RSPRY1: variants seen among roughly 807,000 people sequenced by gnomAD.
RSPRY1 encodes the protein ring finger and SPRY domain containing 1, also known as RING finger and SPRY domain-containing protein 1.
Under a neutral mutation model 73.1 loss-of-function variants are expected in RSPRY1, and 23 were observed. The ratio of observed to expected loss-of-function variants is 0.31; its 90% CI spans 0.23 to 0.45. The LOEUF is 0.45. Among genes scored for constraint, RSPRY1 ranks in the 20% least tolerant of loss-of-function variants. RSPRY1 has a pLI of 1.00. For synonymous variants in RSPRY1, 226 were observed against 251.4 expected (o/e 0.90, Z 0.95); for missense variants, 448 against 698.7 (o/e 0.64, Z 4.05).
chr16:57,221,897 A>T (rs1162855897), intron 10 of RSPRY1, among the ~76,000 whole-genome samples: 1 of 152,220 alleles, frequency 6.6e-6, no homozygotes, highest in Non-Finnish European at 1.5e-5. Flanking sequence ...ATCTTTTGTT[A>T]TAGAAAGCTA....
chr16:57,235,917 G>A (rs1382886163), intron 14 of RSPRY1, among the ~76,000 whole-genome samples: 1 of 152,222 alleles, frequency 6.6e-6, no homozygotes, highest in Admixed American at 6.5e-5. Context: ...GAATGACTCA[G>A]CCTGGGCCCC....
intron 4 of RSPRY1, among the ~76,000 whole-genome samples, chr16:57,210,084 C>G (rs2052935156): frequency 8.0e-6 from 1 of 125,054 alleles, no homozygotes; most frequent in Admixed American, 1.0e-4. Flanking sequence ...CTTTCCTTCC[C>G]TTTCCTTCTT....
chr16:57,190,139 G>A lies in RSPRY1; in HGVS notation c.-156+3688G>A, dbSNP rs1003608594. Among the ~76,000 whole-genome samples the A allele has an allele frequency of 3.9e-5, 6 of 152,046 alleles. No homozygotes were observed. The South Asian group carries it at 1.0e-3, about 26-fold the overall frequency. On this transcript the variant is annotated intron_variant, in intron 1 of 14. Transcript: ENST00000394420. Reference sequence around the variant, plus strand: ...TCACAACACTTTGGGCGGCCAAGGCGGGAGGATCACTTGAGCCCAGGAGTT... The same window carrying A: ...TCACAACACTTTGGGCGGCCAAGGCAGGAGGATCACTTGAGCCCAGGAGTT...
At chr16:57,221,510 T>A (rs2075035740) in intron 10 of RSPRY1, 95 bp downstream of exon 10, 2 of 1,326,276 alleles carry the variant, frequency 1.5e-6, no homozygotes, top group South Asian at 2.8e-5. Flanking sequence ...TCAAATAGAT[T>A]TGCTCAATAA....
At chr16:57,215,170 A>G (rs1240474845) in intron 6 of RSPRY1, among the ~76,000 whole-genome samples, 4 of 152,090 alleles carry the variant, frequency 2.6e-5, no homozygotes, top group African/African-American at 9.7e-5. Flanking sequence ...CAGAGGAGGG[A>G]AAAAATTGGT....
intron 1 of RSPRY1, among the ~76,000 whole-genome samples, chr16:57,202,878 T>TTTTATATATATATA (rs1237175240): frequency 3.0e-5 from 4 of 131,638 alleles, no homozygotes; most frequent in East Asian, 5.5e-4. Flanking sequence ...TTACATATGA[T>TTTTATATATATATA]TATATATATA....
At chr16:57,219,495 T>A (rs1164341323) in intron 8 of RSPRY1, among the ~76,000 whole-genome samples, 1 of 152,250 alleles carries the variant, frequency 6.6e-6, no homozygotes, top group Non-Finnish European at 1.5e-5. Context: ...TTTGCCCACT[T>A]TTTAATCAGA....
intron 1 of RSPRY1, among the ~76,000 whole-genome samples, chr16:57,192,801 G>GC (rs1567481173): frequency 6.7e-6 from 1 of 148,940 alleles, no homozygotes; most frequent in East Asian, 2.1e-4. Flanking sequence ...GACCTCCCCA[G>GC]CTCAGGCGAT....
At chr16:57,223,156 CT>C (rs1200802562) in intron 10 of RSPRY1, among the ~76,000 whole-genome samples, 4 of 152,148 alleles carry the variant, frequency 2.6e-5, no homozygotes, top group African/African-American at 9.7e-5. Flanking sequence ...ATATTTAAAA[CT>C]TTGCTTTAAA....
At chr16:57,209,936 G>C (rs1171627630) in intron 4 of RSPRY1, among the ~76,000 whole-genome samples, 2 of 151,488 alleles carry the variant, frequency 1.3e-5, no homozygotes, top group Admixed American at 6.6e-5. Context: ...TCAGCCTCCC[G>C]AAGTGCTGGC....
chr16:57,200,887 A>T (rs1273065973), intron 1 of RSPRY1, among the ~76,000 whole-genome samples: 1 of 89,390 alleles, frequency 1.1e-5, no homozygotes, highest in Admixed American at 1.5e-4. Context: ...GGGGCTCCTT[A>T]CTTCCCAGTA....
At chr16:57,200,662 C>A (rs2074559373) in intron 1 of RSPRY1, among the ~76,000 whole-genome samples, 1 of 119,650 alleles carries the variant, frequency 8.4e-6, no homozygotes, top group Non-Finnish European at 1.8e-5. Flanking sequence ...GGGCGGGGGG[C>A]TGACCCCCCC....
At position 57,230,718 on chromosome 16, in the gene RSPRY1, A is replaced by C; in HGVS notation, c.1281A>C (p.Thr427=). ...TTTCTCTTTATCCTCTAGGAGATAC[A>C]GTAGGATTTCTGTTAGACTTGAATG... The part of the protein sequence containing the change: ...HIHPCWKEGD[T]VGFLLDLNEK... Residue 427 remains threonine, a synonymous_variant, in exon 12 of 15, where the codon ACA becomes ACC. Coordinates refer to ENST00000394420, the MANE Select transcript of RSPRY1 (RefSeq NM_133368.3). 6.4e-7 allele frequency: 1 copy of C among 1,569,932 alleles called. No individual in the cohort carries two copies. The highest frequency in any genetic ancestry group is 8.8e-7 in the Non-Finnish European group (1 of 1,141,188).
rs1249749810 is a variant in RSPRY1, at chr16:57,239,476, A to G, written c.*501A>G. On this transcript the variant is annotated 3_prime_UTR_variant, in exon 15 of 15. Transcript: ENST00000394420. The stretch of plus-strand genomic sequence containing the variant: ...AAGACTTGAATCTATAAAAATTAGA[A>G]TCACACAGTCAGTACTACAAGCAAA... The G allele has an allele frequency of 6.6e-6, 1 of 152,270 alleles. No individual in the cohort carries two copies. The highest frequency in any genetic ancestry group is 1.5e-5 in the Non-Finnish European group (1 of 68,064). 9.4% of individuals were successfully genotyped at this position (152,270 alleles called of 1,614,324 possible). A position where few individuals can be genotyped will look rare whatever the true frequency, so the allele number is the denominator to read the frequency against.
chr16:57,202,881 TATATA>T (rs2074648947), intron 1 of RSPRY1, among the ~76,000 whole-genome samples: 2 of 28,490 alleles, frequency 7.0e-5, no homozygotes, highest in Non-Finnish European at 1.4e-4. Context: ...CATATGATTA[TATATA>T]TATATATATA....
At chr16:57,200,261 T>C (rs543618625) in intron 1 of RSPRY1, among the ~76,000 whole-genome samples, 1 of 149,602 alleles carries the variant, frequency 6.7e-6, no homozygotes, top group East Asian at 2.0e-4. Context: ...GCAGAAGAAT[T>C]TTTCTTAGTA....
At chr16:57,187,232 G>A (rs546005785) in intron 1 of RSPRY1, among the ~76,000 whole-genome samples, 1 of 152,134 alleles carries the variant, frequency 6.6e-6, no homozygotes, top group Non-Finnish European at 1.5e-5. Flanking sequence ...CGAGTGGGGT[G>A]GGGAGAGTCT....
At chr16:57,230,996 G>C (rs1286658825) in intron 12 of RSPRY1, among the ~76,000 whole-genome samples, 171 bp from the exon 13 acceptor site, 1 of 152,182 alleles carries the variant, frequency 6.6e-6, no homozygotes, top group Non-Finnish European at 1.5e-5. Context: ...GGAAGATAAG[G>C]CAGAATATTC....
rs1311499158 is a variant in RSPRY1 at position 57,216,970 on chromosome 16, C to T, written c.836C>T (p.Ala279Val). Residue 279 changes from alanine (A) to valine (V), a missense_variant, in exon 8 of 15, where the codon GCT becomes GTT. Coordinates refer to ENST00000394420, the MANE Select transcript of RSPRY1 (RefSeq NM_133368.3). ...SDRLVTLESW[A>V]NDPDYLKRQV... ...CGGCTTGTCACATTGGAGTCCTGGGCTAATGATCCTGATTATCTGAAACGT... is the reference window on the plus strand; with the variant it reads ...CGGCTTGTCACATTGGAGTCCTGGGTTAATGATCCTGATTATCTGAAACGT... 6.2e-7 allele frequency: 1 copy of T among 1,613,792 alleles called. No individual in the cohort carries two copies. Among genetic ancestry groups the T allele is most frequent in the Non-Finnish European group, 8.5e-7 (1 of 1,179,708 alleles).
Sources: gnomAD v4.1 joint callset for allele counts (sites outside exome capture counted in the v4.1 genomes callset) on GRCh38, gnomAD v4.1.1 for gene constraint, MANE v1.5 for transcripts, NCBI Gene and HGNC (gene_info 2026-07-23, HGNC 2026-07-21) for gene names.